The following UNC80 variants were observed in gnomAD, a reference collection of about 807,000 sequenced individuals.
The protein encoded by UNC80 is protein unc-80 homolog.
Under a neutral mutation model 384.6 loss-of-function variants are expected in UNC80, and 164 were observed. The ratio of observed to expected loss-of-function variants is 0.43; its 90% CI spans 0.38 to 0.49. The LOEUF (loss-of-function observed/expected upper bound fraction) is 0.49. Among genes scored for constraint, UNC80 ranks in the 20% least tolerant of loss-of-function variants. The probability of loss-of-function intolerance (pLI) is 0.00; values close to 1 mark genes in which losing one functional copy is unlikely to be tolerated. For synonymous variants in UNC80, 1,486 were observed against 1,527.8 expected (o/e 0.97, Z 0.64); for missense variants, 3,330 against 4,143.0 (o/e 0.80, Z 5.39).
chr2:209,959,752 C>T (rs2092532287), intron 51 of UNC80, 45 bp downstream of exon 51: 12 of 1,511,952 alleles, frequency 7.9e-6, no homozygotes, highest in Non-Finnish European at 1.1e-5. Flanking sequence ...CACAGCTTGG[C>T]CCATGTGTCT....
chr2:209,946,013 A>G (rs150191593), intron 47 of UNC80, 70 bp downstream of exon 47: 38 of 1,112,130 alleles, frequency 3.4e-5, no homozygotes, highest in Admixed American at 2.3e-4. Flanking sequence ...TTGAATGAAT[A>G]CAAAGGTTAT....
At chr2:209,876,122 T>C (rs2124888072) in intron 23 of UNC80, among the ~76,000 whole-genome samples, 1 of 152,330 alleles carries the variant, frequency 6.6e-6, no homozygotes, top group East Asian at 1.9e-4. Flanking sequence ...TTCGTTATGT[T>C]ATTACATCCC....
intron 14 of UNC80, 123 bp from the exon 15 acceptor site, chr2:209,829,109 C>CTG (rs2080765852): frequency 1.7e-6 from 2 of 1,168,624 alleles, no homozygotes; most frequent in Admixed American, 4.9e-5. Context: ...GCAGGGTTGC[C>CTG]TGTCACCAGC....
chr2:209,935,577 A>G, intron 39 of UNC80, 137 bp from the exon 40 acceptor site: 1 of 363,832 alleles, frequency 2.7e-6, no homozygotes, highest in Non-Finnish European at 5.0e-6. Flanking sequence ...TAAATAAAAT[A>G]TATATGTAAC....
intron 42 of UNC80, among the ~76,000 whole-genome samples, chr2:209,938,702 CTCTCTCTCTG>C (rs1360570158): frequency 3.1e-4 from 45 of 143,434 alleles, no homozygotes; most frequent in African/African-American, 7.0e-4. Context: ...CTCTCTCTCT[CTCTCTCTCTG>C]TGTGTGTGTG....
In UNC80 at chr2:209,921,522, T is replaced by C. The variant is rs767307092; in HGVS notation, c.5366T>C (p.Val1789Ala). 6.5e-7 allele frequency: 1 copy of C among 1,545,764 alleles called. No individual in the cohort carries two copies. The highest frequency in any genetic ancestry group is 1.2e-5 in the South Asian group (1 of 83,454). The change falls in exon 34 of 65, where the codon GTG (valine) becomes GCG (alanine). Residue 1789 changes from valine to alanine, a missense_variant. Physicochemically the swap from Val to Ala is moderately conservative, Grantham distance 64 (BLOSUM62 0). Coordinates refer to ENST00000673920, the MANE Select transcript of UNC80 (RefSeq NM_001371986.1). ...CAGAAATCCTTTTCAGCCCGGGCTGTGTCCCGCTCCCATCAAAGGGCAGAA... is the reference window on the plus strand; with the variant it reads ...CAGAAATCCTTTTCAGCCCGGGCTGCGTCCCGCTCCCATCAAAGGGCAGAA... Reference protein sequence around the residue: ...DQSKSFSARAVSRSHQRAEHI... With the variant: ...DQSKSFSARAASRSHQRAEHI...
Position 209,815,263 on chromosome 2 carries a change from A to G in UNC80, c.1207A>G (p.Thr403Ala), listed in dbSNP as rs1468455393. The stretch of plus-strand genomic sequence containing the variant: ...ACTGTCTACCTTTATTAAGGATCTC[A>G]CCATGAAGTGTAACGAGGAGGAAAA... ...LVNTHKTQDL[T>A]MKCNEEEKSL... The change falls in exon 9 of 65, where the codon ACC (threonine) becomes GCC (alanine). Residue 403 changes from threonine to alanine, a missense_variant. Physicochemically the swap from Thr to Ala is moderately conservative, Grantham distance 58. Transcript: ENST00000673920. 4.5e-6 allele frequency: 7 copies of G among 1,549,910 alleles called. No homozygotes were observed. The highest frequency in any genetic ancestry group is 6.1e-6 in the Non-Finnish European group (7 of 1,145,548).
In UNC80 at chr2:209,786,137, C is replaced by T. The variant is rs76851741; in HGVS notation, c.672C>T (p.Pro224=). Residue 224 remains proline, a synonymous_variant, in exon 5 of 65, where the codon CCC becomes CCT. Transcript: ENST00000673920. ...AGCCCATGTGGGAACACAGACAGCC[C>T]GGAGTCTCTGGCTTTACCGCACTGG... ...IWQPMWEHRQ[P]GVSGFTALVK... The T allele has an allele frequency of 4.2e-3, 6,755 of 1,613,978 alleles. 215 individuals are homozygous for T. The African/African-American group carries it at 0.074, about 18-fold the overall frequency.
At chr2:209,785,532 TA>T (rs1254025433) in intron 4 of UNC80, among the ~76,000 whole-genome samples, 1 of 152,092 alleles carries the variant, frequency 6.6e-6, no homozygotes, top group African/African-American at 2.4e-5. Context: ...CTCAAGAAAT[TA>T]AAGGTTGTTA....
chr2:209,954,345 T>C (rs1023053593), intron 48 of UNC80, 75 bp downstream of exon 48: 5 of 1,343,620 alleles, frequency 3.7e-6, no homozygotes, highest in East Asian at 2.6e-5. Flanking sequence ...AAGAAAAAAA[T>C]GTGATGGATA....
rs927650908 is a variant in UNC80 at position 209,809,379 on chromosome 2, T to C, written c.939-4201T>C. 2.3e-5 allele frequency: 24 copies of C among 1,037,604 alleles called. No homozygotes were observed. The African/African-American group carries it at 3.3e-4, about 14-fold the overall frequency. The allele number at this position is 1,037,604 out of a possible 1,614,324, so 64.3% of individuals were successfully genotyped here. A position where few individuals can be genotyped will look rare whatever the true frequency, so the allele number is the denominator to read the frequency against. ...CCAGACCCTGGCTGCTGCGGGGCCA[T>C]GTCCGGACCCACACTGGTGAGAAGC... is the stretch of plus-strand genomic sequence containing the variant. On this transcript the variant is annotated intron_variant, in intron 7 of 64. Transcript: ENST00000673920.
intron 35 of UNC80, among the ~76,000 whole-genome samples, chr2:209,924,739 C>T (rs948030456): frequency 2.0e-5 from 3 of 151,662 alleles, no homozygotes; most frequent in African/African-American, 7.3e-5. Context: ...CATATGAGCA[C>T]CTCAGACAGC....
chr2:209,904,577 G>C (rs547708468), intron 28 of UNC80, among the ~76,000 whole-genome samples, 188 bp from the exon 29 acceptor site: 27 of 152,272 alleles, frequency 1.8e-4, no homozygotes, highest in Admixed American at 1.5e-3. Context: ...AGTATGAATG[G>C]GGGGAGAACA....
At chr2:209,977,327 A>G (rs1240715520) in intron 58 of UNC80, among the ~76,000 whole-genome samples, 1 of 152,160 alleles carries the variant, frequency 6.6e-6, no homozygotes, top group African/African-American at 2.4e-5. Flanking sequence ...TTTTCTATAT[A>G]TTTTTTAATC....
At chr2:209,965,572 C>T (rs1306198176) in intron 51 of UNC80, among the ~76,000 whole-genome samples, 2 of 151,830 alleles carry the variant, frequency 1.3e-5, no homozygotes, top group African/African-American at 2.4e-5. Context: ...GGGTGCCCAC[C>T]ACCACGCCCA....
chr2:209,864,913 A>C (rs1434600237), intron 22 of UNC80, among the ~76,000 whole-genome samples: 1 of 152,162 alleles, frequency 6.6e-6, no homozygotes, highest in African/African-American at 2.4e-5. Context: ...AGCAGATTCC[A>C]GCTGAGAGGC....
intron 13 of UNC80, among the ~76,000 whole-genome samples, chr2:209,822,298 T>C (rs2080191760): frequency 6.6e-6 from 1 of 152,228 alleles, no homozygotes; most frequent in Non-Finnish European, 1.5e-5. Flanking sequence ...GAACTTCAGA[T>C]CTGACTGTAA....
chr2:209,830,787 G>A (rs1219008562), intron 15 of UNC80, among the ~76,000 whole-genome samples: 2 of 152,176 alleles, frequency 1.3e-5, no homozygotes, highest in East Asian at 1.9e-4. Context: ...CCATTCACGG[G>A]CATTTCACAT....
Position 209,819,208 on chromosome 2 carries a change from C to T in UNC80, c.1909C>T (p.His637Tyr). The change falls in exon 12 of 65, where the codon CAT (histidine) becomes TAT (tyrosine). Residue 637 changes from histidine to tyrosine, a missense_variant. His to Tyr is a moderately conservative substitution (Grantham distance 83). Around this residue, in one of 8 missense-constraint regions of UNC80, gnomAD observed 937 missense variants for 1,026.8 expected, o/e 0.91. Coordinates refer to ENST00000673920, the MANE Select transcript of UNC80 (RefSeq NM_001371986.1). ...INYSYLEDTE[H>Y]IDGTNNFVHK... ...CTACAGCTACCTAGAGGACACAGAA[C>T]ATATTGACGGGACCAATAACTTTGT... is the stretch of plus-strand genomic sequence containing the variant. 1 of 1,551,908 alleles carries T rather than the reference C, an allele frequency of 6.4e-7. No individual in the cohort carries two copies.
Sources: gnomAD v4.1 joint callset for allele counts (sites outside exome capture counted in the v4.1 genomes callset) on GRCh38, gnomAD v4.1.1 for gene constraint, gnomAD v4.1.1 regional missense constraint, MANE v1.5 for transcripts, NCBI Gene and HGNC (gene_info 2026-07-23, HGNC 2026-07-21) for gene names.